KMT2C: variants seen among roughly 807,000 people sequenced by gnomAD.
The protein encoded by KMT2C is histone-lysine N-methyltransferase 2C.
In KMT2C, 88 loss-of-function variants were observed where a neutral mutation model predicts 507.9. The ratio of observed to expected loss-of-function variants is 0.17; its 90% confidence interval spans 0.15 to 0.21. KMT2C has a LOEUF of 0.21. Among genes scored for constraint, KMT2C ranks in the 10% least tolerant of loss-of-function variants. The probability of loss-of-function intolerance (pLI) is 1.00; values close to 1 mark genes in which losing one functional copy is unlikely to be tolerated. For missense variants in KMT2C, 4,954 were observed against 5,957.8 expected, an observed-to-expected ratio of 0.83 and a Z score of 5.55; for synonymous variants, 2,049 against 2,080.8, an observed-to-expected ratio of 0.98 and a Z score of 0.42.
At chr7:152,232,656 A>AT (rs376138093) in intron 16 of KMT2C, among the ~76,000 whole-genome samples, 1 of 151,994 alleles carries the variant, frequency 6.6e-6, no homozygotes, top group Non-Finnish European at 1.5e-5. Context: ...TAATGCTTTA[A>AT]TTTTTTTTAA....
intron 6 of KMT2C, among the ~76,000 whole-genome samples, chr7:152,301,244 C>T (rs1273141596): frequency 6.6e-6 from 1 of 150,996 alleles, no homozygotes; most frequent in African/African-American, 2.4e-5. Flanking sequence ...ATGGATCACA[C>T]CTGTAGTCCC....
intron 44 of KMT2C, among the ~76,000 whole-genome samples, chr7:152,157,472 A>T (rs2092144714): frequency 1.3e-5 from 2 of 152,168 alleles, no homozygotes; most frequent in Admixed American, 1.3e-4. Flanking sequence ...ATGATTTTTG[A>T]ATTCATTTTA....
intron 5 of KMT2C, among the ~76,000 whole-genome samples, chr7:152,311,079 A>C (rs1186516451): frequency 6.6e-6 from 1 of 151,698 alleles, no homozygotes; most frequent in African/African-American, 2.4e-5. Flanking sequence ...CAACAAACAA[A>C]ATTAGTTTTT....
intron 26 of KMT2C, among the ~76,000 whole-genome samples, chr7:152,201,293 GACACAC>G (rs3839689): frequency 0.028 from 3,872 of 137,008 alleles, 139 homozygotes; most frequent in African/African-American, 0.086. Flanking sequence ...TACAGACACA[GACACAC>G]ACACACACAC....
At position 152,387,469 on chromosome 7, in the gene KMT2C, A is replaced by ATTT. The variant is rs34278604; in HGVS notation, c.162-28797_162-28795dup. Among the ~76,000 whole-genome samples, 297 of 115,698 alleles carry ATTT rather than the reference A, an allele frequency of 2.6e-3. 7 individuals carry two copies. Among genetic ancestry groups the ATTT allele is most frequent in the African/African-American group, 8.6e-3 (262 of 30,488 alleles). The allele number at this position is 115,698 out of a possible 152,430, so 75.9% of individuals were successfully genotyped here. A position where few individuals can be genotyped will look rare whatever the true frequency, so the allele number is the denominator to read the frequency against. On this transcript the variant is annotated intron_variant, in intron 1 of 58. Transcript: ENST00000262189. ...AAAACAGTATTTATAGTATAATTCC[A>ATTT]TTTTTTTTTTTTTTTTTTTGAGACG...
intron 6 of KMT2C, among the ~76,000 whole-genome samples, chr7:152,296,222 A>G (rs1447498973): frequency 6.6e-6 from 1 of 151,916 alleles, no homozygotes; most frequent in Non-Finnish European, 1.5e-5. Flanking sequence ...TGAGGTCAGG[A>G]GTTCAAGACT....
At chr7:152,429,891 T>A (rs899440995) in intron 1 of KMT2C, among the ~76,000 whole-genome samples, 3 of 151,206 alleles carry the variant, frequency 2.0e-5, no homozygotes, top group African/African-American at 7.3e-5. Context: ...AAAGAAATAA[T>A]CTCAGCCGGG....
chr7:152,342,762 T>G (rs2097009642), intron 2 of KMT2C, among the ~76,000 whole-genome samples: 1 of 152,162 alleles, frequency 6.6e-6, no homozygotes, highest in African/African-American at 2.4e-5. Flanking sequence ...CACAGTGAAC[T>G]TCACAGAAAA....
intron 1 of KMT2C, among the ~76,000 whole-genome samples, chr7:152,426,630 G>A (rs575853098): frequency 2.6e-5 from 4 of 152,268 alleles, no homozygotes; most frequent in Non-Finnish European, 5.9e-5. Context: ...TTGATGATTA[G>A]TGGCAATGAC....
At chr7:152,340,540 G>C (rs2096981691) in intron 2 of KMT2C, among the ~76,000 whole-genome samples, 1 of 152,000 alleles carries the variant, frequency 6.6e-6, no homozygotes, top group South Asian at 2.1e-4. Context: ...CACTATATTA[G>C]AAAAAGCAAA....
Position 152,162,679 on chromosome 7 carries a change from G to A in KMT2C, c.10898C>T (p.Pro3633Leu), listed in dbSNP as rs748311863. The A allele has an allele frequency of 2.8e-5, 46 of 1,614,090 alleles. No individual in the cohort carries two copies. The highest frequency in any genetic ancestry group is 2.4e-4 in the African/African-American group (18 of 74,934). The change falls in exon 43 of 59, where the codon CCG (proline) becomes CTG (leucine). Residue 3633 changes from proline (P) to leucine (L), a missense_variant. Pro to Leu is a moderately conservative substitution (Grantham distance 98). Coordinates refer to ENST00000262189, the MANE Select transcript of KMT2C (RefSeq NM_170606.3). ...STPHSDITAP[P>L]TPGISETTST... ...GGTAGTTTCTGAGATGCCTGGAGTC[G>A]GTGGGGCAGTTATATCTGAATGGGG...
chr7:152,163,875 T>C, intron 42 of KMT2C, 49 bp from the exon 43 acceptor site: 2 of 1,554,008 alleles, frequency 1.3e-6, no homozygotes, highest in Non-Finnish European at 1.8e-6. Flanking sequence ...GCATAGGTAC[T>C]GAAGTAAAAC....
At chr7:152,375,326 G>C (rs1015535845) in intron 1 of KMT2C, among the ~76,000 whole-genome samples, 1 of 151,174 alleles carries the variant, frequency 6.6e-6, no homozygotes. Context: ...ACAGGCGTAA[G>C]CCACCACACC....
At position 152,368,193 on chromosome 7, in the gene KMT2C, T is replaced by C. The variant is rs2097262941; in HGVS notation, c.162-9518A>G. On this transcript the variant is annotated intron_variant, in intron 1 of 58. Coordinates refer to ENST00000262189, the MANE Select transcript of KMT2C (RefSeq NM_170606.3). ...AAGTTGAAAATGGTGAACATTGTGATTTTACAATTCTAAGAAATATGCTGA... is the reference window on the plus strand; with the variant it reads ...AAGTTGAAAATGGTGAACATTGTGACTTTACAATTCTAAGAAATATGCTGA... The C allele has an allele frequency of 6.7e-6, 6 of 899,372 alleles. No homozygotes were observed. In the Admixed American group the frequency reaches 1.0e-4, roughly 15 times the overall value. The allele number at this position is 899,372 out of a possible 1,614,324, so 55.7% of individuals were successfully genotyped here.
intron 1 of KMT2C, among the ~76,000 whole-genome samples, chr7:152,379,398 C>T (rs1302670709): frequency 1.3e-5 from 2 of 151,950 alleles, no homozygotes; most frequent in Non-Finnish European, 2.9e-5. Flanking sequence ...ATAAGCCAGG[C>T]GTGGTGGTGG....
chr7:152,205,307 T>A (rs2094273997), intron 24 of KMT2C, 82 bp from the exon 25 acceptor site: 1 of 1,049,918 alleles, frequency 9.5e-7, no homozygotes, highest in Admixed American at 2.3e-5. Context: ...CTGCTTTATC[T>A]TGAATAGTAA....
At chr7:152,280,271 G>C (rs1261501357) in intron 6 of KMT2C, among the ~76,000 whole-genome samples, 3 of 152,160 alleles carry the variant, frequency 2.0e-5, no homozygotes, top group Non-Finnish European at 2.9e-5. Context: ...AGCAGGGTGC[G>C]GTGGCTCATG....
chr7:152,302,598 C>G (rs779279024), intron 6 of KMT2C, among the ~76,000 whole-genome samples: 17 of 152,042 alleles, frequency 1.1e-4, no homozygotes, highest in Non-Finnish European at 2.2e-4. Context: ...GGGGGCAATA[C>G]TGGGAATAGA....
chr7:152,297,060 AGAGAGAGAG>A (rs1563767769), intron 6 of KMT2C, among the ~76,000 whole-genome samples: 9 of 97,594 alleles, frequency 9.2e-5, no homozygotes, highest in African/African-American at 3.7e-4. Flanking sequence ...AAAGACAGAG[AGAGAGAGAG>A]AGAGAGAGAG....
Sources: gnomAD v4.1 joint callset for allele counts (sites outside exome capture counted in the v4.1 genomes callset) on GRCh38, gnomAD v4.1.1 for gene constraint, MANE v1.5 for transcripts, NCBI Gene and HGNC (gene_info 2026-07-23, HGNC 2026-07-21) for gene names.